RIC1: variants seen among roughly 807,000 people sequenced by gnomAD.
The protein encoded by RIC1 is guanine nucleotide exchange factor subunit RIC1.
A neutral mutation model predicts 169.0 loss-of-function variants in RIC1; 88 were observed. The observed-to-expected ratio is 0.52, with a 90% CI of 0.44 to 0.62. The LOEUF (loss-of-function observed/expected upper bound fraction) is 0.62. RIC1 is among the 20% of genes least tolerant of loss of function. RIC1 has a pLI of 0.00. For synonymous variants in RIC1, 790 were observed against 601.5 expected (o/e 1.31, Z -4.59); for missense variants, 1,877 against 1,725.5 (o/e 1.09, Z -1.56).
intron 1 of RIC1, among the ~76,000 whole-genome samples, chr9:5,634,887 T>C (rs1817894696): frequency 6.6e-6 from 1 of 152,212 alleles, no homozygotes; most frequent in South Asian, 2.1e-4. Flanking sequence ...TTTTAATTTT[T>C]GTGGGTACAT....
intron 1 of RIC1, among the ~76,000 whole-genome samples, chr9:5,652,774 G>T (rs1207523280): frequency 6.6e-6 from 1 of 151,768 alleles, no homozygotes; most frequent in Non-Finnish European, 1.5e-5. Context: ...TAGTATCCTT[G>T]TCTTATTCCA....
At chr9:5,669,119 C>T (rs925002836) in intron 2 of RIC1, among the ~76,000 whole-genome samples, 13 of 152,102 alleles carry the variant, frequency 8.5e-5, no homozygotes, top group Admixed American at 4.6e-4. Flanking sequence ...GTATGTATTT[C>T]TTCTGATGGG....
rs1401781435 is a variant in RIC1, at chr9:5,670,520, T to C, written c.252+13830T>C. ...AGTTGGTCTGCCATGACCTACTTAT[T>C]GTATATTACTGTGCAGTAGAATTCT... is the stretch of plus-strand genomic sequence containing the variant. On this transcript the variant is annotated intron_variant, in intron 2 of 25. Coordinates refer to ENST00000414202, the MANE Select transcript of RIC1 (RefSeq NM_020829.4). Among the ~76,000 whole-genome samples, 11 of 152,360 alleles carry C rather than the reference T, an allele frequency of 7.2e-5. No homozygotes were observed. The East Asian group carries it at 2.1e-3, about 29-fold the overall frequency.
chr9:5,682,507 C>A (rs201644726), intron 2 of RIC1, among the ~76,000 whole-genome samples: 286 of 152,134 alleles, frequency 1.9e-3, no homozygotes, highest in African/African-American at 6.6e-3. Context: ...TCTGGCTTGT[C>A]GAGTTTCTGC....
intron 3 of RIC1, among the ~76,000 whole-genome samples, chr9:5,693,382 T>C (rs1324285872): frequency 1.3e-5 from 2 of 152,152 alleles, no homozygotes; most frequent in Non-Finnish European, 2.9e-5. Flanking sequence ...TCTTTCCTAG[T>C]TTCCACCTAG....
At position 5,773,072 on chromosome 9, in the gene RIC1, T is replaced by C; in HGVS notation, c.3975T>C (p.Ser1325=). Residue 1325 remains serine (S), a synonymous_variant, in exon 25 of 26, where the codon TCT becomes TCC. Transcript: ENST00000414202. ...TCCATGCAGTGGACCGATGGGCCTC[T>C]ACAGACTGGTAAGTGCTGCTTTCCT... is the stretch of plus-strand genomic sequence containing the variant. ...TGLHAVDRWA[S]TDCPGYKPFL... 1 of 1,604,274 alleles carries C rather than the reference T, an allele frequency of 6.2e-7. No individual in the cohort carries two copies. Among genetic ancestry groups the C allele is most frequent in the Non-Finnish European group, 8.5e-7 (1 of 1,175,188 alleles).
Position 5,773,137 on chromosome 9 carries a change from C to T in RIC1, c.3983+57C>T, listed in dbSNP as rs1455029755. On this transcript the variant is annotated intron_variant, in intron 25 of 25. Coordinates refer to ENST00000414202, the MANE Select transcript of RIC1 (RefSeq NM_020829.4). ...TTCCATGTCTTTTGGTGAATCCTGT[C>T]CTTTCACATTAAGGCCTAGTTATGG... The T allele has an allele frequency of 7.3e-6, 8 of 1,090,092 alleles. No individual in the cohort carries two copies. The East Asian group carries it at 1.6e-4, about 22-fold the overall frequency. 67.5% of individuals were successfully genotyped at this position (1,090,092 alleles called of 1,614,324 possible).
intron 1 of RIC1, among the ~76,000 whole-genome samples, chr9:5,636,864 A>G (rs1817996379): frequency 6.6e-6 from 1 of 152,200 alleles, no homozygotes; most frequent in South Asian, 2.1e-4. Flanking sequence ...CAGCTAGATT[A>G]TAAGTTTCTG....
At chr9:5,656,304 G>A (rs540519464) in intron 1 of RIC1, among the ~76,000 whole-genome samples, 2 of 152,196 alleles carry the variant, frequency 1.3e-5, no homozygotes, top group African/African-American at 2.4e-5. Flanking sequence ...TCCCTTAAAC[G>A]TTTGGTAGAC....
At chr9:5,711,424 A>G (rs1822918667) in intron 3 of RIC1, among the ~76,000 whole-genome samples, 1 of 152,126 alleles carries the variant, frequency 6.6e-6, no homozygotes, top group Non-Finnish European at 1.5e-5. Flanking sequence ...ATTATTACCC[A>G]ACAGAATTAA....
chr9:5,737,604 T>TGTGTATATC, intron 7 of RIC1, among the ~76,000 whole-genome samples: 1 of 81,964 alleles, frequency 1.2e-5, no homozygotes, highest in Non-Finnish European at 2.4e-5. Flanking sequence ...ACACACATGT[T>TGTGTATATC]TTATATCTTA....
chr9:5,681,082 T>A (rs903147170), intron 2 of RIC1, among the ~76,000 whole-genome samples: 1 of 152,002 alleles, frequency 6.6e-6, no homozygotes, highest in African/African-American at 2.4e-5. Flanking sequence ...CGCCTCGGCC[T>A]CCCAAAGTGC....
intron 1 of RIC1, among the ~76,000 whole-genome samples, chr9:5,644,192 T>A (rs1818389156): frequency 6.6e-6 from 1 of 152,168 alleles, no homozygotes; most frequent in Non-Finnish European, 1.5e-5. Context: ...TATATCAGCC[T>A]TAAAAAGTAC....
chr9:5,703,619 A>T (rs1234231434), intron 3 of RIC1, among the ~76,000 whole-genome samples: 3 of 152,226 alleles, frequency 2.0e-5, no homozygotes, highest in Non-Finnish European at 4.4e-5. Flanking sequence ...GATACTTTGT[A>T]TAAATGGAAT....
At chr9:5,638,384 C>T (rs1470244510) in intron 1 of RIC1, among the ~76,000 whole-genome samples, 1 of 152,164 alleles carries the variant, frequency 6.6e-6, no homozygotes, top group Admixed American at 6.6e-5. Flanking sequence ...AGTACTCCCT[C>T]CTCCTGTATT....
chr9:5,712,862 G>C (rs905124145), intron 3 of RIC1: 1 of 152,058 alleles, frequency 6.6e-6, no homozygotes, highest in African/African-American at 2.4e-5. Context: ...AGCTAGTTTA[G>C]TCATTTAGAC....
chr9:5,696,489 C>A (rs972533030), intron 3 of RIC1, among the ~76,000 whole-genome samples: 1 of 152,012 alleles, frequency 6.6e-6, no homozygotes, highest in East Asian at 1.9e-4. Context: ...ACCTTCTGCC[C>A]TCAACTCTCC....
intron 4 of RIC1, 112 bp downstream of exon 4, chr9:5,714,115 T>A: frequency 1.6e-6 from 1 of 623,928 alleles, no homozygotes; most frequent in Non-Finnish European, 2.7e-6. Context: ...CAAGATAACT[T>A]CTTAGTTCTG....
Position 5,763,560 on chromosome 9 carries a change from T to C in RIC1, c.2533T>C (p.Leu845=), listed in dbSNP as rs777967513. 6 of 1,614,038 alleles carry C rather than the reference T, an allele frequency of 3.7e-6. No homozygotes were observed. The African/African-American group carries it at 8.0e-5, about 22-fold the overall frequency. Residue 845 remains leucine (L), a synonymous_variant, in exon 19 of 26, where the codon TTG becomes CTG. Coordinates refer to ENST00000414202, the MANE Select transcript of RIC1 (RefSeq NM_020829.4). This position sits in a 1 kb window ranked among gnomAD's most constrained non-coding sequence, Gnocchi z 5.2. Reference sequence around the variant, plus strand: ...GGTCAGAAACCTTGGGGAGCAAGCCTTGCTCTTGGCCCAGTCCTGTGCCAC... The same window carrying C: ...GGTCAGAAACCTTGGGGAGCAAGCCCTGCTCTTGGCCCAGTCCTGTGCCAC... ...LLVRNLGEQA[L]LLAQSCATLP... is the part of the protein sequence containing the mutation.
Sources: allele counts gnomAD v4.1 joint callset (sites outside exome capture counted in the v4.1 genomes callset), GRCh38; gene constraint gnomAD v4.1.1; non-coding constraint Gnocchi (gnomAD v3.1); transcripts MANE v1.5; gene names NCBI Gene and HGNC (gene_info 2026-07-23, HGNC 2026-07-21).